Variants in EMID1 observed in about 807,000 individuals in gnomAD.
EMID1 encodes the protein EMI domain containing 1.
A neutral mutation model predicts 60.6 loss-of-function variants in EMID1; 40 were observed. The observed-to-expected ratio is 0.66, with a 90% CI of 0.51 to 0.86. The LOEUF (loss-of-function observed/expected upper bound fraction) is 0.86. Ranked by LOEUF, EMID1 falls within the 40% of genes least tolerant of loss-of-function variation. The pLI, the probability that EMID1 is intolerant of heterozygous loss-of-function variation, is 0.00. For missense variants in EMID1, 585 were observed against 597.1 expected (o/e 0.98, Z 0.21); for synonymous variants, 242 against 231.0 (o/e 1.05, Z -0.43).
At chr22:29,209,108 CG>C (rs1036416535) in intron 1 of EMID1, among the ~76,000 whole-genome samples, 3 of 152,198 alleles carry the variant, frequency 2.0e-5, no homozygotes, top group Non-Finnish European at 2.9e-5. Context: ...CCCTTGGCCC[CG>C]GGCCCGCTTG....
intron 2 of EMID1, 89 bp downstream of exon 2, chr22:29,215,128 G>A (rs2146143900): frequency 6.9e-7 from 1 of 1,445,452 alleles, no homozygotes; most frequent in East Asian, 2.5e-5. Flanking sequence ...TGGGGAGTGT[G>A]GGGGAAGACT....
intron 5 of EMID1, among the ~76,000 whole-genome samples, chr22:29,228,971 T>C (rs1185107947): frequency 6.6e-6 from 1 of 152,060 alleles, no homozygotes; most frequent in Non-Finnish European, 1.5e-5. Flanking sequence ...AAAGAAGGCA[T>C]GGTTGTATAA....
chr22:29,233,336 C>G lies in EMID1; in HGVS notation c.824-43C>G, dbSNP rs777689147. On this transcript the variant is annotated intron_variant, in intron 8 of 14. Transcript: ENST00000334018. ...GGTGGCAGGTGAAGACTAACCACCC[C>G]ACTCTACCCAGCTCTACTCACTCAT... 2.5e-6 allele frequency: 4 copies of G among 1,606,318 alleles called. No individual in the cohort carries two copies. The South Asian group carries it at 3.3e-5, about 13-fold the overall frequency.
chr22:29,235,780 CTTTTTTTTT>C (rs56085732), intron 12 of EMID1, among the ~76,000 whole-genome samples: 4 of 73,864 alleles, frequency 5.4e-5, no homozygotes, highest in Admixed American at 3.7e-4. Context: ...AGAATTTAAG[CTTTTTTTTT>C]TTTTTTTTTT....
intron 12 of EMID1, 102 bp from the exon 13 acceptor site, chr22:29,243,343 A>C: frequency 8.5e-7 from 1 of 1,170,658 alleles, no homozygotes; most frequent in Non-Finnish European, 1.2e-6. Flanking sequence ...TGTTTCTCTA[A>C]GTTTCTCTCC....
At chr22:29,254,974 C>T (rs2041650088) in intron 14 of EMID1, among the ~76,000 whole-genome samples, 1 of 152,176 alleles carries the variant, frequency 6.6e-6, no homozygotes, top group Non-Finnish European at 1.5e-5. Context: ...TGCAGTTTTC[C>T]CTTTGGTCCT....
chr22:29,215,515 G>A lies in EMID1; in HGVS notation c.216-12G>A. On this transcript the variant is annotated splice_polypyrimidine_tract_variant and intron_variant, in intron 2 of 14. Coordinates refer to ENST00000334018, the MANE Select transcript of EMID1 (RefSeq NM_133455.4). ...ACCCTGTCTCAGCTGGGCCACCTGG[G>A]GACTCTTTCAGCTACAGAACTGTGG... The A allele has an allele frequency of 6.2e-7, 1 of 1,612,794 alleles. No homozygotes were observed. Among genetic ancestry groups the A allele is most frequent in the Non-Finnish European group, 8.5e-7 (1 of 1,178,884 alleles).
intron 12 of EMID1, among the ~76,000 whole-genome samples, chr22:29,242,025 C>A (rs1267289284): frequency 6.6e-6 from 1 of 152,238 alleles, no homozygotes; most frequent in African/African-American, 2.4e-5. Context: ...ATCCTCCCAC[C>A]TCAGCCTCCT....
rs181054392 is a variant in EMID1 at position 29,217,594 on chromosome 22, C to T, written c.319+1964C>T. Among the ~76,000 whole-genome samples the T allele has an allele frequency of 3.6e-3, 553 of 152,344 alleles. 1 individual carries two copies. The highest frequency in any genetic ancestry group is 5.9e-3 in the Non-Finnish European group (400 of 68,032). Reference sequence around the variant, plus strand: ...ACCAAGCTGCTGTGTGTGCCTGCAGCAGCCCCGGCTCGTCCACATTCAGCC... The same window carrying T: ...ACCAAGCTGCTGTGTGTGCCTGCAGTAGCCCCGGCTCGTCCACATTCAGCC... On this transcript the variant is annotated intron_variant, in intron 3 of 14. Coordinates refer to ENST00000334018, the MANE Select transcript of EMID1 (RefSeq NM_133455.4).
chr22:29,225,278 G>A, intron 4 of EMID1, 62 bp downstream of exon 4: 3 of 1,560,012 alleles, frequency 1.9e-6, no homozygotes, highest in Non-Finnish European at 2.6e-6. Context: ...AGGGGGCTCA[G>A]GGCAGTTTGG....
chr22:29,215,554 C>G lies in EMID1; in HGVS notation c.243C>G (p.Tyr81Ter). 2 of 1,614,068 alleles carry G rather than the reference C, an allele frequency of 1.2e-6. No homozygotes were observed. Among genetic ancestry groups the G allele is most frequent in the Non-Finnish European group, 1.7e-6 (2 of 1,179,950 alleles). The change falls in exon 3 of 15, where the codon TAC (tyrosine) becomes TAG (stop). Residue 81 changes from tyrosine to a stop codon, truncating the protein, a stop_gained. Transcript: ENST00000334018. LOFTEE classifies it high-confidence loss of function. Reference sequence around the variant, plus strand: ...ACAGAACTGTGGTGAGACCCACATACAAGGTGATGTACAAGATAGTGACCG... The same window carrying G: ...ACAGAACTGTGGTGAGACCCACATAGAAGGTGATGTACAAGATAGTGACCG... Reference protein sequence around the residue: ...SSYRTVVRPTYKVMYKIVTAR... With the variant: ...SSYRTVVRPT
At chr22:29,245,732 A>C (rs1040304215) in intron 13 of EMID1, among the ~76,000 whole-genome samples, 1 of 152,190 alleles carries the variant, frequency 6.6e-6, no homozygotes, top group Non-Finnish European at 1.5e-5. Flanking sequence ...TGGTCATGAT[A>C]GTGCACTGCA....
intron 14 of EMID1, among the ~76,000 whole-genome samples, chr22:29,256,244 G>A (rs1004674013): frequency 4.6e-5 from 7 of 152,046 alleles, no homozygotes; most frequent in East Asian, 3.9e-4. Flanking sequence ...AGGCCGAGGC[G>A]TATGGATCAC....
At chr22:29,240,045 T>C (rs1348518369) in intron 12 of EMID1, among the ~76,000 whole-genome samples, 1 of 152,168 alleles carries the variant, frequency 6.6e-6, no homozygotes, top group Non-Finnish European at 1.5e-5. Context: ...ACTCCTGAGC[T>C]CAGGCAGTCC....
intron 14 of EMID1, among the ~76,000 whole-genome samples, chr22:29,258,128 CCT>C (rs1212204183): frequency 1.3e-5 from 2 of 152,214 alleles, no homozygotes; most frequent in African/African-American, 2.4e-5. Context: ...CCCTCTCCTC[CCT>C]GAGTGTCCAT....
At position 29,233,487 on chromosome 22, in the gene EMID1, A is replaced by G. The variant is rs1232287443; in HGVS notation, c.913+19A>G. ...CCCATGGGTAAGTTGAGTCCAGGCC[A>G]GGGGTAAAGGGTGAAGTTGGTAGAT... On this transcript the variant is annotated intron_variant, in intron 9 of 14. Transcript: ENST00000334018. The G allele has an allele frequency of 1.2e-6, 2 of 1,612,824 alleles. No individual in the cohort carries two copies. Among genetic ancestry groups the G allele is most frequent in the Admixed American group, 3.3e-5 (2 of 59,994 alleles).
chr22:29,208,613 T>A (rs578231766), intron 1 of EMID1, among the ~76,000 whole-genome samples: 1 of 152,198 alleles, frequency 6.6e-6, no homozygotes, highest in African/African-American at 2.4e-5. Flanking sequence ...TGCCCCAGCC[T>A]CTGTCTAGGG....
intron 3 of EMID1, among the ~76,000 whole-genome samples, chr22:29,224,246 G>T (rs1014428817): frequency 6.6e-6 from 1 of 152,244 alleles, no homozygotes; most frequent in Non-Finnish European, 1.5e-5. Flanking sequence ...CCCGCTCCGA[G>T]CTGCCAGGCC....
In EMID1 at chr22:29,205,976, C is replaced by A. The variant is rs1235521697; in HGVS notation, c.-63C>A. 9.8e-7 allele frequency: 1 copy of A among 1,021,622 alleles called. No individual in the cohort carries two copies. Among genetic ancestry groups the A allele is most frequent in the African/African-American group, 1.7e-5 (1 of 58,564 alleles). The allele number at this position is 1,021,622 out of a possible 1,614,324, so 63.3% of individuals were successfully genotyped here. On this transcript the variant is annotated 5_prime_UTR_variant, in exon 1 of 15. Transcript: ENST00000334018. Reference sequence around the variant, plus strand: ...GCGGCTGGCGGCGCGGGCAGGCAGGCGGGGAGGACAGGCTGGGGGCGGCGA... The same window carrying A: ...GCGGCTGGCGGCGCGGGCAGGCAGGAGGGGAGGACAGGCTGGGGGCGGCGA...
Sources: gnomAD v4.1 joint callset for allele counts (sites outside exome capture counted in the v4.1 genomes callset) on GRCh38, gnomAD v4.1.1 for gene constraint, MANE v1.5 for transcripts, NCBI Gene and HGNC (gene_info 2026-07-23, HGNC 2026-07-21) for gene names.